Variants in ZNF254 observed in about 807,000 individuals in gnomAD.
The protein encoded by ZNF254 is zinc finger protein 254, also known as CTD-2017D11.1.
ZNF254 carries 10 observed loss-of-function variants against 12.4 expected under a neutral mutation model. That is an observed-to-expected ratio of 0.80 (90% CI 0.50 to 1.36). The LOEUF is 1.36. ZNF254 is among the 40% of genes most tolerant of loss of function. The probability of loss-of-function intolerance (pLI) is 0.00; values close to 1 mark genes in which losing one functional copy is unlikely to be tolerated. For missense variants in ZNF254, 996 were observed against 763.9 expected (o/e 1.30, Z -3.58); for synonymous variants, 305 against 253.4 (o/e 1.20, Z -1.93).
intron 2 of ZNF254, among the ~76,000 whole-genome samples, chr19:24,071,368 TG>T (rs2145494149): frequency 6.6e-6 from 1 of 152,292 alleles, no homozygotes; most frequent in Admixed American, 6.5e-5. Context: ...CTAAACAAGA[TG>T]ATATGACTAT....
intron 2 of ZNF254, 167 bp from the exon 3 acceptor site, chr19:24,106,381 C>G (rs1973340978): frequency 3.5e-6 from 2 of 567,582 alleles, no homozygotes; most frequent in South Asian, 5.3e-5. Flanking sequence ...AATTAAGAAC[C>G]TAAAAAATTA....
chr19:24,051,250 T>C (rs1970634412), intron 2 of ZNF254, among the ~76,000 whole-genome samples: 1 of 152,216 alleles, frequency 6.6e-6, no homozygotes, highest in Non-Finnish European at 1.5e-5. Flanking sequence ...TTCCGCCTCC[T>C]GGGTTCAAGT....
At position 24,087,294 on chromosome 19, in the gene ZNF254, G is replaced by A; in HGVS notation, c.-14G>A. On this transcript the variant is annotated 5_prime_UTR_variant, in exon 1 of 4. Coordinates refer to ENST00000357002, the MANE Select transcript of ZNF254 (RefSeq NM_203282.4). ...GGCGCTGTTACCAGCAGGTATTGGAGATCCACAGCTAAGATGCCAGGACCC... is the reference window on the plus strand; with the variant it reads ...GGCGCTGTTACCAGCAGGTATTGGAAATCCACAGCTAAGATGCCAGGACCC... The A allele has an allele frequency of 6.2e-7, 1 of 1,613,474 alleles. No homozygotes were observed. Among genetic ancestry groups the A allele is most frequent in the South Asian group, 1.1e-5 (1 of 91,080 alleles).
intron 2 of ZNF254, chr19:24,063,715 T>C (rs1309914999): frequency 6.6e-6 from 1 of 152,150 alleles, no homozygotes; most frequent in African/African-American, 2.4e-5. Flanking sequence ...GTGACAATTT[T>C]TTTTTGGGTT....
chr19:24,089,952 AG>A (rs1466016812), intron 1 of ZNF254, among the ~76,000 whole-genome samples: 1 of 151,282 alleles, frequency 6.6e-6, no homozygotes, highest in Non-Finnish European at 1.5e-5. Flanking sequence ...ACACTTTGGG[AG>A]GCCAAGGAGG....
At chr19:24,096,757 G>A (rs1247611261) in intron 1 of ZNF254, among the ~76,000 whole-genome samples, 1 of 152,188 alleles carries the variant, frequency 6.6e-6, no homozygotes, top group Admixed American at 6.5e-5. Context: ...CCTGTGGGAT[G>A]TTGTAGTCTC....
intron 1 of ZNF254, among the ~76,000 whole-genome samples, chr19:24,091,047 C>T (rs1243963347): frequency 1.4e-5 from 2 of 144,898 alleles, no homozygotes; most frequent in African/African-American, 5.1e-5. Context: ...CTCCCGGGTT[C>T]GAGCAATTCT....
intron 3 of ZNF254, among the ~76,000 whole-genome samples, chr19:24,122,953 A>C (rs1974587469): frequency 6.7e-6 from 1 of 149,790 alleles, no homozygotes; most frequent in Non-Finnish European, 1.5e-5. Flanking sequence ...AGTGTGATTT[A>C]ATCAAGAACT....
intron 1 of ZNF254, among the ~76,000 whole-genome samples, chr19:24,043,717 C>A (rs1970264648): frequency 1.3e-5 from 2 of 149,800 alleles, no homozygotes; most frequent in Non-Finnish European, 3.0e-5. Context: ...AATATTTCTT[C>A]ATTTAAACAG....
In ZNF254 at chr19:24,128,010, A is replaced by C; in HGVS notation, c.*30A>C. The C allele has an allele frequency of 6.6e-7, 1 of 1,510,172 alleles. No individual in the cohort carries two copies. The allele number at this position is 1,510,172 out of a possible 1,614,324, so 93.5% of individuals were successfully genotyped here. ...TGTGCCAAAGCCTAAGAAAACCCTC[A>C]ATTCTTAATAGATATAAGATTATTC... is the stretch of plus-strand genomic sequence containing the variant. On this transcript the variant is annotated 3_prime_UTR_variant, in exon 4 of 4. Transcript: ENST00000357002.
At position 24,087,206 on chromosome 19, in the gene ZNF254, G is replaced by C; in HGVS notation, c.-102G>C. 2 of 1,520,096 alleles carry C rather than the reference G, an allele frequency of 1.3e-6. No homozygotes were observed. Among genetic ancestry groups the C allele is most frequent in the African/African-American group, 2.7e-5 (2 of 72,806 alleles). 94.2% of individuals were successfully genotyped at this position (1,520,096 alleles called of 1,614,324 possible). On this transcript the variant is annotated 5_prime_UTR_variant, in exon 1 of 4. Transcript: ENST00000357002. ...GGCGGGGCCTTTGTCTCTCGCTGTC[G>C]CCGGAGTCCCAGGTCTGTCTTCACT...
intron 1 of ZNF254, among the ~76,000 whole-genome samples, chr19:24,090,303 TGA>T (rs1457712472): frequency 5.8e-4 from 89 of 152,254 alleles, no homozygotes; most frequent in African/African-American, 2.0e-3. Flanking sequence ...CAGAGTCTCC[TGA>T]GAGGGGGTTA....
intron 3 of ZNF254, among the ~76,000 whole-genome samples, chr19:24,122,632 C>T (rs995988965): frequency 2.0e-5 from 3 of 150,692 alleles, no homozygotes; most frequent in African/African-American, 7.3e-5. Context: ...GTGGCTGGCT[C>T]ATTTCATTTT....
chr19:24,063,503 A>G (rs886228176), intron 2 of ZNF254, among the ~76,000 whole-genome samples: 11 of 152,032 alleles, frequency 7.2e-5, no homozygotes, highest in Non-Finnish European at 1.0e-4. Context: ...GGCCTATGTT[A>G]TGTTTATCTT....
chr19:24,121,014 C>T (rs922840656), intron 3 of ZNF254, among the ~76,000 whole-genome samples: 9 of 151,268 alleles, frequency 5.9e-5, no homozygotes, highest in Non-Finnish European at 1.0e-4. Context: ...TGCAGGATTA[C>T]AGGCATGAGC....
Position 24,126,885 on chromosome 19 carries a change from G to C in ZNF254, c.885G>C (p.Lys295Asn). 6.2e-7 allele frequency: 1 copy of C among 1,612,204 alleles called. No homozygotes were observed. Among genetic ancestry groups the C allele is most frequent in the South Asian group, 1.1e-5 (1 of 90,910 alleles). The stretch of plus-strand genomic sequence containing the variant: ...TTCATACTGGAGAGAAACCTTACAA[G>C]TGTGAAGAATGTGGCAAAGCATTTA... Reference protein sequence around the residue: ...KIIHTGEKPYKCEECGKAFIW... With the variant: ...KIIHTGEKPYNCEECGKAFIW... The change falls in exon 4 of 4, where the codon AAG (lysine) becomes AAC (asparagine). Residue 295 changes from lysine to asparagine, a missense_variant. Coordinates refer to ENST00000357002, the MANE Select transcript of ZNF254 (RefSeq NM_203282.4).
At chr19:24,120,926 G>A (rs1188558059) in intron 3 of ZNF254, among the ~76,000 whole-genome samples, 1 of 151,686 alleles carries the variant, frequency 6.6e-6, no homozygotes, top group East Asian at 1.9e-4. Context: ...TTTTTTATAT[G>A]CAAACTCTCG....
rs766277753 is a variant in ZNF254, at chr19:24,128,098, T to G, written c.*118T>G. The G allele has an allele frequency of 9.6e-7, 1 of 1,040,504 alleles. No individual in the cohort carries two copies. The highest frequency in any genetic ancestry group is 1.6e-5 in the African/African-American group (1 of 60,678). 64.5% of individuals were successfully genotyped at this position (1,040,504 alleles called of 1,614,324 possible). A position where few individuals can be genotyped will look rare whatever the true frequency, so the allele number is the denominator to read the frequency against. ...ATGCTTTTGACAGTACCTAAAACTTTAAAGAAAATCATTCTGCTGAAAAAT... is the reference window on the plus strand; with the variant it reads ...ATGCTTTTGACAGTACCTAAAACTTGAAAGAAAATCATTCTGCTGAAAAAT... On this transcript the variant is annotated 3_prime_UTR_variant, in exon 4 of 4. Coordinates refer to ENST00000357002, the MANE Select transcript of ZNF254 (RefSeq NM_203282.4).
intron 2 of ZNF254, among the ~76,000 whole-genome samples, chr19:24,049,210 ATATATTTTTTT>A (rs1173930501): frequency 4.3e-5 from 2 of 46,242 alleles, no homozygotes; most frequent in Non-Finnish European, 8.6e-5. Context: ...ATATATATAT[ATATATTTTTTT>A]TTTTTTTTTA....
Sources: gnomAD v4.1 joint callset for allele counts (sites outside exome capture counted in the v4.1 genomes callset) on GRCh38, gnomAD v4.1.1 for gene constraint, MANE v1.5 for transcripts, NCBI Gene and HGNC (gene_info 2026-07-23, HGNC 2026-07-21) for gene names.